Variants in TLK1 observed in about 807,000 individuals in gnomAD.
The protein encoded by TLK1 is tousled like kinase 1.
TLK1 carries 24 observed loss-of-function variants against 105.3 expected under a neutral mutation model. The observed-to-expected ratio is 0.23, with a 90% CI of 0.17 to 0.32. The LOEUF (loss-of-function observed/expected upper bound fraction) is 0.32. Ranked by LOEUF, TLK1 falls within the 10% of genes least tolerant of loss-of-function variation. The pLI, the probability that TLK1 is intolerant of heterozygous loss-of-function variation, is 1.00. For missense variants in TLK1, 558 were observed against 910.5 expected (o/e 0.61, Z 4.98); for synonymous variants, 321 against 310.4 (o/e 1.03, Z -0.36).
intron 11 of TLK1, among the ~76,000 whole-genome samples, chr2:171,044,766 G>C (rs1462206643): frequency 6.6e-6 from 1 of 152,308 alleles, no homozygotes; most frequent in South Asian, 2.1e-4. Context: ...GCAGCCGGAT[G>C]AGTTAAAATG....
chr2:171,071,042 C>T (rs1403879774), intron 3 of TLK1, among the ~76,000 whole-genome samples: 2 of 152,188 alleles, frequency 1.3e-5, no homozygotes, highest in South Asian at 2.1e-4. Flanking sequence ...GGCACCTTTT[C>T]ATCAAGTTGT....
At chr2:171,087,486 T>G (rs1042660681) in intron 2 of TLK1, among the ~76,000 whole-genome samples, 2 of 152,068 alleles carry the variant, frequency 1.3e-5, no homozygotes, top group Non-Finnish European at 2.9e-5. Context: ...TTGGACACCA[T>G]GAAGCAGTCT....
chr2:171,192,906 T>C (rs979749492), intron 1 of TLK1, among the ~76,000 whole-genome samples: 2 of 152,212 alleles, frequency 1.3e-5, no homozygotes, highest in South Asian at 2.1e-4. Flanking sequence ...ATGTTGTTAC[T>C]TGATCATGTT....
chr2:171,117,640 A>G, intron 2 of TLK1, 99 bp downstream of exon 2: 1 of 907,586 alleles, frequency 1.1e-6, no homozygotes, highest in Middle Eastern at 2.7e-4. Flanking sequence ...TAAAAGTTAC[A>G]TTTGCTGTTA....
At chr2:171,182,595 A>G (rs1357515031) in intron 1 of TLK1, among the ~76,000 whole-genome samples, 1 of 152,140 alleles carries the variant, frequency 6.6e-6, no homozygotes, top group Admixed American at 6.6e-5. Context: ...GGTACAAAAC[A>G]TGGAATGTAT....
At chr2:171,107,962 C>A (rs1377243460) in intron 2 of TLK1, among the ~76,000 whole-genome samples, 1 of 151,768 alleles carries the variant, frequency 6.6e-6, no homozygotes, top group Non-Finnish European at 1.5e-5. Context: ...GAGGCTTACG[C>A]ATGAGGATCA....
At chr2:171,001,410 G>A (rs1172017578) in intron 18 of TLK1, among the ~76,000 whole-genome samples, 1 of 152,088 alleles carries the variant, frequency 6.6e-6, no homozygotes, top group Non-Finnish European at 1.5e-5. Flanking sequence ...TCCCTTATTG[G>A]CAAGGTACTT....
In TLK1 at chr2:171,046,223, C is replaced by T. The variant is rs369622046; in HGVS notation, c.1120G>A (p.Val374Ile). The change falls in exon 11 of 21, where the codon GTC becomes ATC. Residue 374 changes from valine to isoleucine, a missense_variant. Val to Ile is a conservative substitution (Grantham distance 29). Transcript: ENST00000431350. ...AAGGGATCATTCTCTGCTCCATTGA[C>T]TGCTTTGTTTTTCCTTTGTTTTGGT... is the stretch of plus-strand genomic sequence containing the variant. The part of the protein sequence containing the change: ...SEPKQRKNKA[V>I]NGAENDPFVR... 21 of 1,612,406 alleles carry T rather than the reference C, an allele frequency of 1.3e-5. No individual in the cohort carries two copies. Among genetic ancestry groups the T allele is most frequent in the Middle Eastern group, 3.4e-4 (2 of 5,824 alleles).
chr2:171,083,310 TTTC>T (rs1339268632), intron 2 of TLK1, among the ~76,000 whole-genome samples: 4 of 152,166 alleles, frequency 2.6e-5, no homozygotes, highest in Non-Finnish European at 5.9e-5. Context: ...CTGTCCTGTT[TTTC>T]TTTTTTTTAA....
At chr2:171,015,685 TCATACACACACA>T (rs1334673696) in intron 12 of TLK1, among the ~76,000 whole-genome samples, 21 of 64,696 alleles carry the variant, frequency 3.2e-4, no homozygotes, top group Non-Finnish European at 6.7e-4. Flanking sequence ...TGTCATTCAT[TCATACACACACA>T]CATATACACA....
chr2:171,090,551 T>C (rs1250573466), intron 2 of TLK1, among the ~76,000 whole-genome samples: 7 of 152,246 alleles, frequency 4.6e-5, no homozygotes, highest in African/African-American at 1.7e-4. Flanking sequence ...TCGCCTATGC[T>C]ATTTATTTGA....
At chr2:171,031,730 A>C (rs1686056542) in intron 11 of TLK1, among the ~76,000 whole-genome samples, 2 of 152,218 alleles carry the variant, frequency 1.3e-5, no homozygotes, top group Admixed American at 1.3e-4. Flanking sequence ...GAAAATTTTA[A>C]TTTTAAAAGT....
intron 1 of TLK1, among the ~76,000 whole-genome samples, chr2:171,149,099 C>CTTTTTTTTT (rs11335300): frequency 2.2e-4 from 13 of 57,880 alleles, no homozygotes; most frequent in East Asian, 5.8e-4. Flanking sequence ...AATTACTTTT[C>CTTTTTTTTT]TTTTTTTTTT....
rs546629292 is a variant in TLK1, at chr2:171,086,517, TAG to T, written c.259-3667_259-3666del. ...GGCGCATGCCTGTAATCCCAGCTAC[TAG>T]AGAGTCTGAGGCAGGAGAAATGCTT... On this transcript the variant is annotated intron_variant, in intron 2 of 20. Coordinates refer to ENST00000431350, the MANE Select transcript of TLK1 (RefSeq NM_012290.5). Among the ~76,000 whole-genome samples the T allele has an allele frequency of 7.3e-5, 11 of 151,656 alleles. No individual in the cohort carries two copies. The South Asian group carries it at 1.7e-3, about 23-fold the overall frequency.
At chr2:171,051,153 T>G (rs1687219119) in intron 8 of TLK1, among the ~76,000 whole-genome samples, 2 of 152,174 alleles carry the variant, frequency 1.3e-5, no homozygotes, top group Non-Finnish European at 2.9e-5. Context: ...ATGATGCATA[T>G]GCAACTTGAA....
At position 170,990,852 on chromosome 2, in the gene TLK1, AATG is replaced by A. The variant is rs1178715204; in HGVS notation, c.*2925_*2927del. 2 of 149,550 alleles carry A rather than the reference AATG, an allele frequency of 1.3e-5. No individual in the cohort carries two copies. Among genetic ancestry groups the A allele is most frequent in the Non-Finnish European group, 3.0e-5 (2 of 67,240 alleles). 9.3% of individuals were successfully genotyped at this position (149,550 alleles called of 1,614,324 possible). A position where few individuals can be genotyped will look rare whatever the true frequency, so the allele number is the denominator to read the frequency against. On this transcript the variant is annotated 3_prime_UTR_variant, in exon 21 of 21. Transcript: ENST00000431350. ...ATCAACATTACTGCATTTAATAAGT[AATG>A]ATGAACAGCAAAACAACACACAATA...
At position 171,022,088 on chromosome 2, in the gene TLK1, C is replaced by CACACACACACACACAG. The variant is rs1553605645; in HGVS notation, c.1236+6250_1236+6251insCTGTGTGTGTGTGTGT. 7.9e-5 allele frequency among the ~76,000 whole-genome samples: 11 copies of CACACACACACACACAG among 139,200 alleles called. 1 individual carries two copies. Among genetic ancestry groups the CACACACACACACACAG allele is most frequent in the South Asian group, 4.6e-4 (2 of 4,360 alleles). The allele number at this position is 139,200 out of a possible 152,430, so 91.3% of individuals were successfully genotyped here. A position where few individuals can be genotyped will look rare whatever the true frequency, so the allele number is the denominator to read the frequency against. ...ACCACACTCCAGCCTGGGCGAAAAACACACACACACACACACACACACACA... is the reference window on the plus strand; with the variant it reads ...ACCACACTCCAGCCTGGGCGAAAAACACACACACACACACAGACACACACACACACACACACACACA... On this transcript the variant is annotated intron_variant, in intron 12 of 20. Transcript: ENST00000431350.
Position 171,025,369 on chromosome 2 carries a change from G to C in TLK1, c.1236+2970C>G, listed in dbSNP as rs1685724649. 3.3e-5 allele frequency among the ~76,000 whole-genome samples: 5 copies of C among 152,270 alleles called. No individual in the cohort carries two copies. In the South Asian group the frequency reaches 1.0e-3, roughly 32 times the overall value. ...ATTCTCCTATGTCCATATGCCATGG[G>C]CTTCCTCAATGAACTTTGGTCCTTC... On this transcript the variant is annotated intron_variant, in intron 12 of 20. Coordinates refer to ENST00000431350, the MANE Select transcript of TLK1 (RefSeq NM_012290.5).
At chr2:171,140,858 T>G (rs1452034255) in intron 1 of TLK1, among the ~76,000 whole-genome samples, 1 of 152,032 alleles carries the variant, frequency 6.6e-6, no homozygotes, top group Non-Finnish European at 1.5e-5. Flanking sequence ...AGACACAGAC[T>G]CTCGAATAAG....
Sources: gnomAD v4.1 joint callset for allele counts (sites outside exome capture counted in the v4.1 genomes callset) on GRCh38, gnomAD v4.1.1 for gene constraint, MANE v1.5 for transcripts, NCBI Gene and HGNC (gene_info 2026-07-23, HGNC 2026-07-21) for gene names.